The following CHSY3 variants were observed in gnomAD, a reference collection of about 807,000 sequenced individuals.
CHSY3 encodes chondroitin sulfate synthase 3, also known as N-acetylgalactosaminyl-proteoglycan 3-beta-glucuronosyltransferase 3.
Under a neutral mutation model 67.2 loss-of-function variants are expected in CHSY3, and 35 were observed. The ratio of observed to expected loss-of-function variants is 0.52; its 90% CI spans 0.40 to 0.69. The LOEUF is 0.69. Ranked by LOEUF, CHSY3 falls within the 30% of genes least tolerant of loss-of-function variation. CHSY3 has a pLI of 0.00. For missense variants in CHSY3, 1,069 were observed against 1,138.5 expected, an observed-to-expected ratio of 0.94 and a Z score of 0.88; for synonymous variants, 474 against 434.7, an observed-to-expected ratio of 1.09 and a Z score of -1.12.
intron 2 of CHSY3, among the ~76,000 whole-genome samples, chr5:129,968,661 G>T (rs1302836930): frequency 1.3e-5 from 2 of 151,700 alleles, no homozygotes; most frequent in Non-Finnish European, 1.5e-5. Flanking sequence ...CACTTTGATG[G>T]GTCAGAAGCA....
At position 129,965,249 on chromosome 5, in the gene CHSY3, G is replaced by A. The variant is rs146190682; in HGVS notation, c.1086+56889G>A. Among the ~76,000 whole-genome samples, 518 of 152,044 alleles carry A rather than the reference G, an allele frequency of 3.4e-3. 5 individuals are homozygous for A. The highest frequency in any genetic ancestry group is 0.012 in the African/African-American group (489 of 41,510). The stretch of plus-strand genomic sequence containing the variant: ...CACTGCCATTTGACATTGGGGAAGT[G>A]ATGTTACCTCTTTAGAACTGAGATT... On this transcript the variant is annotated intron_variant, in intron 2 of 2. Coordinates refer to ENST00000305031, the MANE Select transcript of CHSY3 (RefSeq NM_175856.5).
intron 2 of CHSY3, among the ~76,000 whole-genome samples, chr5:129,963,733 C>T (rs1347893149): frequency 1.3e-5 from 2 of 151,780 alleles, no homozygotes; most frequent in Non-Finnish European, 2.9e-5. Flanking sequence ...TCAGAAAGTC[C>T]ACATTTTCAT....
intron 2 of CHSY3, among the ~76,000 whole-genome samples, chr5:129,932,626 A>G (rs1761353104): frequency 6.6e-6 from 1 of 152,134 alleles, no homozygotes; most frequent in South Asian, 2.1e-4. Context: ...TAGGGTTGAC[A>G]TCTTCTTGAT....
At chr5:130,114,889 G>A (rs1767734217) in intron 2 of CHSY3, among the ~76,000 whole-genome samples, 1 of 152,026 alleles carries the variant, frequency 6.6e-6, no homozygotes, top group South Asian at 2.1e-4. Context: ...AGGACCATCT[G>A]TCCTTAGCTG....
At chr5:130,121,581 C>T (rs1305058667) in intron 2 of CHSY3, among the ~76,000 whole-genome samples, 2 of 152,094 alleles carry the variant, frequency 1.3e-5, no homozygotes, top group African/African-American at 4.8e-5. Context: ...GGGCACATCA[C>T]ATATTAAATA....
intron 2 of CHSY3, among the ~76,000 whole-genome samples, chr5:129,924,238 C>T (rs1761019501): frequency 6.6e-6 from 1 of 152,024 alleles, no homozygotes. Flanking sequence ...TTTTATATTT[C>T]CATAGTTTCT....
At chr5:130,160,916 T>A (rs866727486) in intron 2 of CHSY3, among the ~76,000 whole-genome samples, 8,953 of 149,918 alleles carry the variant, frequency 0.06, 792 homozygotes, top group African/African-American at 0.17. Flanking sequence ...TTTATTTTTT[T>A]TTTTTTGAGA....
intron 2 of CHSY3, among the ~76,000 whole-genome samples, chr5:129,984,462 C>A (rs953955710): frequency 6.6e-6 from 1 of 152,056 alleles, no homozygotes; most frequent in South Asian, 2.1e-4. Context: ...CACATCTTTG[C>A]AACAGTCAGC....
chr5:130,184,474 G>A lies in CHSY3; in HGVS notation c.1332G>A (p.Gln444=), dbSNP rs1283355118. The change falls in exon 3 of 3, where the codon CAG becomes CAA. Residue 444 remains glutamine (Q), a synonymous_variant. Transcript: ENST00000305031. ...ACACAGAAGTGAGCAAAGAGGACCA[G>A]CAGCTGGGAGTGATACCTTCTTTCA... ...LSNTEVSKED[Q]QLGVIPSFNH... 1 of 1,613,464 alleles carries A rather than the reference G, an allele frequency of 6.2e-7. No individual in the cohort carries two copies. The highest frequency in any genetic ancestry group is 8.5e-7 in the Non-Finnish European group (1 of 1,179,368).
At chr5:130,062,247 C>G (rs1177203036) in intron 2 of CHSY3, among the ~76,000 whole-genome samples, 1 of 152,000 alleles carries the variant, frequency 6.6e-6, no homozygotes, top group African/African-American at 2.4e-5. Flanking sequence ...CCCTTTGCAG[C>G]AACATGTATG....
intron 2 of CHSY3, among the ~76,000 whole-genome samples, chr5:130,155,398 TA>T (rs1480496399): frequency 5.9e-5 from 9 of 152,162 alleles, no homozygotes; most frequent in African/African-American, 1.9e-4. Flanking sequence ...CATAGAATGG[TA>T]CTTTAAATCT....
chr5:130,085,322 G>C (rs1005593897), intron 2 of CHSY3, among the ~76,000 whole-genome samples: 1 of 151,966 alleles, frequency 6.6e-6, no homozygotes, highest in Non-Finnish European at 1.5e-5. Flanking sequence ...TTCAAAAGCA[G>C]CCTTGAAAAT....
At chr5:130,038,753 G>C (rs1212186149) in intron 2 of CHSY3, among the ~76,000 whole-genome samples, 1 of 152,030 alleles carries the variant, frequency 6.6e-6, no homozygotes, top group Non-Finnish European at 1.5e-5. Flanking sequence ...GGTAGGGAAT[G>C]GTTTATCTGC....
chr5:130,133,576 A>G (rs138589144), intron 2 of CHSY3, among the ~76,000 whole-genome samples: 1,631 of 151,952 alleles, frequency 0.011, 23 homozygotes, highest in African/African-American at 0.036. Context: ...GTTCAAGACA[A>G]GCCTGGCCAA....
chr5:129,952,543 A>T (rs920262075), intron 2 of CHSY3, among the ~76,000 whole-genome samples: 6 of 152,206 alleles, frequency 3.9e-5, no homozygotes, highest in Non-Finnish European at 8.8e-5. Flanking sequence ...TTCTTTGAAC[A>T]CATTTGAGGA....
intron 2 of CHSY3, among the ~76,000 whole-genome samples, chr5:130,116,808 AGAGACT>A (rs1767820949): frequency 6.6e-6 from 1 of 152,194 alleles, no homozygotes; most frequent in Non-Finnish European, 1.5e-5. Context: ...CAGTGTAGTA[AGAGACT>A]TGACAAATTC....
intron 2 of CHSY3, among the ~76,000 whole-genome samples, chr5:130,178,253 A>ATATT (rs1205782386): frequency 0.078 from 3,574 of 45,882 alleles, 244 homozygotes; most frequent in East Asian, 0.16. Flanking sequence ...ATATATATAT[A>ATATT]TTTTTTTTTT....
intron 2 of CHSY3, among the ~76,000 whole-genome samples, chr5:130,108,967 G>T (rs560836181): frequency 2.0e-4 from 31 of 151,508 alleles, no homozygotes; most frequent in Non-Finnish European, 4.1e-4. Flanking sequence ...CTAAAGCATG[G>T]GTATTATCCA....
At chr5:130,032,258 C>T (rs1377639230) in intron 2 of CHSY3, among the ~76,000 whole-genome samples, 1 of 152,082 alleles carries the variant, frequency 6.6e-6, no homozygotes, top group Non-Finnish European at 1.5e-5. Context: ...GTGAGATATC[C>T]TTGAACAATA....
Sources: allele counts gnomAD v4.1 joint callset (sites outside exome capture counted in the v4.1 genomes callset), GRCh38; gene constraint gnomAD v4.1.1; transcripts MANE v1.5; gene names NCBI Gene and HGNC (gene_info 2026-07-23, HGNC 2026-07-21).